The following CDH19 variants were observed in gnomAD, a reference collection of about 807,000 sequenced individuals.
CDH19 encodes cadherin 19, also known as cadherin-19.
A neutral mutation model predicts 64.2 loss-of-function variants in CDH19; 67 were observed. That is an observed-to-expected ratio of 1.04 (90% CI 0.86 to 1.28). The LOEUF (loss-of-function observed/expected upper bound fraction) is 1.28. CDH19 is among the 50% of genes most tolerant of loss of function. The probability of loss-of-function intolerance (pLI) is 0.00; values close to 1 mark genes in which losing one functional copy is unlikely to be tolerated. For missense variants in CDH19, 1,030 were observed against 929.0 expected, an observed-to-expected ratio of 1.11 and a Z score of -1.41; for synonymous variants, 346 against 319.3, an observed-to-expected ratio of 1.08 and a Z score of -0.89.
At chr18:66,597,868 A>C (rs1206014949) in intron 1 of CDH19, among the ~76,000 whole-genome samples, 4 of 152,112 alleles carry the variant, frequency 2.6e-5, no homozygotes, top group Non-Finnish European at 5.9e-5. Flanking sequence ...CAAGAAGGGG[A>C]ACATCACACA....
chr18:66,595,057 A>T (rs1440680540), intron 1 of CDH19, among the ~76,000 whole-genome samples: 3 of 151,822 alleles, frequency 2.0e-5, no homozygotes, highest in African/African-American at 7.2e-5. Context: ...CAAACCATAC[A>T]GTTACATGGA....
chr18:66,569,888 T>A (rs934371909), intron 2 of CDH19, among the ~76,000 whole-genome samples: 13 of 151,670 alleles, frequency 8.6e-5, no homozygotes, highest in African/African-American at 3.1e-4. Context: ...TAAGTTATAA[T>A]TTCTTATACT....
chr18:66,534,895 T>A, intron 8 of CDH19, 91 bp downstream of exon 8: 1 of 838,290 alleles, frequency 1.2e-6, no homozygotes, highest in Non-Finnish European at 1.7e-6. Context: ...TCCAACAACA[T>A]TTTAAAGTAG....
chr18:66,566,889 G>A (rs753892562), intron 3 of CDH19, among the ~76,000 whole-genome samples: 2 of 151,730 alleles, frequency 1.3e-5, no homozygotes, highest in Admixed American at 1.3e-4. Flanking sequence ...CCTGACATAC[G>A]TGTTATATGT....
intron 5 of CDH19, among the ~76,000 whole-genome samples, chr18:66,549,480 G>T (rs936786106): frequency 1.1e-4 from 17 of 151,952 alleles, no homozygotes; most frequent in African/African-American, 4.1e-4. Flanking sequence ...GCCTTCAGAG[G>T]CCATATTAAT....
At chr18:66,513,159 A>G (rs539902776) in intron 9 of CDH19, among the ~76,000 whole-genome samples, 1 of 151,614 alleles carries the variant, frequency 6.6e-6, no homozygotes, top group Non-Finnish European at 1.5e-5. Flanking sequence ...CAGATAAGGA[A>G]TATTTTATTT....
chr18:66,558,387 T>C lies in CDH19; in HGVS notation c.491-3863A>G, dbSNP rs559567462. ...TACTTTCTTTTCCCTCTTTCAGTTA[T>C]TATTGACACCATGATTTATAAAACA... On this transcript the variant is annotated intron_variant, in intron 3 of 11. Coordinates refer to ENST00000262150, the MANE Select transcript of CDH19 (RefSeq NM_021153.4). Among the ~76,000 whole-genome samples, 36 of 151,846 alleles carry C rather than the reference T, an allele frequency of 2.4e-4. No homozygotes were observed. The South Asian group carries it at 7.5e-3, about 31-fold the overall frequency.
At chr18:66,546,846 G>A (rs1423630440) in intron 5 of CDH19, among the ~76,000 whole-genome samples, 5 of 152,060 alleles carry the variant, frequency 3.3e-5, no homozygotes, top group Non-Finnish European at 5.9e-5. Context: ...GGAAAAGAGA[G>A]GATAATTGCC....
At chr18:66,536,061 T>C (rs1236500394) in intron 7 of CDH19, among the ~76,000 whole-genome samples, 1 of 150,110 alleles carries the variant, frequency 6.7e-6, no homozygotes, top group Non-Finnish European at 1.5e-5. Flanking sequence ...GATCTCCACC[T>C]CCACAATGAA....
At chr18:66,582,640 A>G (rs78564442) in intron 1 of CDH19, among the ~76,000 whole-genome samples, 1 of 26,846 alleles carries the variant, frequency 3.7e-5, no homozygotes, top group Non-Finnish European at 7.9e-5. Flanking sequence ...TACTGTCACC[A>G]AAAAAAAAAA....
intron 9 of CDH19, among the ~76,000 whole-genome samples, chr18:66,518,060 T>C (rs7238973): frequency 6.6e-6 from 1 of 151,648 alleles, no homozygotes; most frequent in South Asian, 2.1e-4. Context: ...GAAGGCATTG[T>C]TTTCTTATTA....
intron 3 of CDH19, among the ~76,000 whole-genome samples, chr18:66,562,995 A>C (rs186485286): frequency 3.9e-5 from 6 of 152,228 alleles, no homozygotes; most frequent in Middle Eastern, 3.4e-3. Context: ...AACTATTCTC[A>C]TGCAGATGTT....
chr18:66,572,249 A>C lies in CDH19; in HGVS notation c.-45T>G. Reference sequence around the variant, plus strand: ...CCAACTATTACTCTTCAGAGGAAACAGGACGTCACTAACAAAAATCTTGCT... The same window carrying C: ...CCAACTATTACTCTTCAGAGGAAACCGGACGTCACTAACAAAAATCTTGCT... On this transcript the variant is annotated 5_prime_UTR_variant, in exon 2 of 12. Transcript: ENST00000262150. The C allele has an allele frequency of 6.9e-7, 1 of 1,456,162 alleles. No homozygotes were observed. The allele number at this position is 1,456,162 out of a possible 1,614,324, so 90.2% of individuals were successfully genotyped here.
chr18:66,585,597 G>A lies in CDH19; in HGVS notation c.-112-13281C>T, dbSNP rs534963239. ...ACGTATTAAGAGTTAAATGTTTTTA[G>A]TGAGCTACATGAAAATAGCTATTGA... On this transcript the variant is annotated intron_variant, in intron 1 of 11. Transcript: ENST00000262150. Among the ~76,000 whole-genome samples the A allele has an allele frequency of 2.6e-5, 4 of 152,218 alleles. No homozygotes were observed. The South Asian group carries it at 8.3e-4, about 32-fold the overall frequency.
intron 1 of CDH19, among the ~76,000 whole-genome samples, chr18:66,579,812 G>T (rs1988372728): frequency 6.6e-6 from 1 of 152,000 alleles, no homozygotes; most frequent in African/African-American, 2.4e-5. Context: ...ATGATAATGA[G>T]AAAGTATTGC....
rs771141151 is a variant in CDH19 at position 66,511,687 on chromosome 18, T to TA, written c.1459-3dup. On this transcript the variant is annotated splice_region_variant and splice_polypyrimidine_tract_variant and intron_variant, in intron 9 of 11. Transcript: ENST00000262150. ...CACTGCACTGATAGTCTGAATTACC[T>TA]AAAAAAAAAGGGGGATAGATTTTTG... is the stretch of plus-strand genomic sequence containing the variant. 1,510 of 1,360,862 alleles carry TA rather than the reference T, an allele frequency of 1.1e-3. No individual in the cohort carries two copies. Among genetic ancestry groups the TA allele is most frequent in the Admixed American group, 1.4e-3 (73 of 52,572 alleles). The allele number at this position is 1,360,862 out of a possible 1,614,324, so 84.3% of individuals were successfully genotyped here.
At chr18:66,512,451 G>A (rs548737886) in intron 9 of CDH19, among the ~76,000 whole-genome samples, 230 of 151,522 alleles carry the variant, frequency 1.5e-3, no homozygotes, top group Admixed American at 2.2e-3. Flanking sequence ...AGAAGTTATT[G>A]TTTCGAATTT....
At chr18:66,590,158 G>C (rs1412324701) in intron 1 of CDH19, among the ~76,000 whole-genome samples, 1 of 151,862 alleles carries the variant, frequency 6.6e-6, no homozygotes, top group East Asian at 1.9e-4. Flanking sequence ...CCACTCCACA[G>C]CTACTGATTC....
At chr18:66,545,291 T>G (rs1987067746) in intron 5 of CDH19, among the ~76,000 whole-genome samples, 2 of 152,014 alleles carry the variant, frequency 1.3e-5, no homozygotes, top group South Asian at 4.2e-4. Context: ...ATTGTAGCAT[T>G]CTTTATTTTT....
Sources: allele counts gnomAD v4.1 joint callset (sites outside exome capture counted in the v4.1 genomes callset), GRCh38; gene constraint gnomAD v4.1.1; transcripts MANE v1.5; gene names NCBI Gene and HGNC (gene_info 2026-07-23, HGNC 2026-07-21).